Variants in SLC17A3 observed in about 807,000 individuals in gnomAD.
The protein encoded by SLC17A3 is sodium-dependent phosphate transport protein 4.
SLC17A3 carries 61 observed loss-of-function variants against 60.3 expected under a neutral mutation model. That is an observed-to-expected ratio of 1.01 (90% CI 0.82 to 1.25). SLC17A3 has a LOEUF of 1.25. SLC17A3 is among the 50% of genes most tolerant of loss of function. SLC17A3 has a pLI of 0.00. For missense variants in SLC17A3, 624 were observed against 594.9 expected, an observed-to-expected ratio of 1.05 and a Z score of -0.51; for synonymous variants, 192 against 208.9, an observed-to-expected ratio of 0.92 and a Z score of 0.70.
At chr6:25,854,848 G>A (rs1012495636) in intron 6 of SLC17A3, among the ~76,000 whole-genome samples, 1 of 152,058 alleles carries the variant, frequency 6.6e-6, no homozygotes, top group Non-Finnish European at 1.5e-5. Context: ...TCTTCCTTCC[G>A]TGTCTTACCA....
chr6:25,855,035 G>T (rs968426635), intron 6 of SLC17A3, 109 bp downstream of exon 6: 5 of 781,422 alleles, frequency 6.4e-6, no homozygotes, highest in South Asian at 4.5e-5. Context: ...GGTTTTCTAG[G>T]ATTTATCTGT....
rs1012688016 is a variant in SLC17A3 at position 25,868,369 on chromosome 6, A to C, written c.19T>G (p.Leu7Val). 1.2e-6 allele frequency: 2 copies of C among 1,607,898 alleles called. No homozygotes were observed. Among genetic ancestry groups the C allele is most frequent in the South Asian group, 1.1e-5 (1 of 90,698 alleles). Residue 7 changes from leucine (L) to valine (V), a missense_variant, in exon 2 of 13, where the codon TTG becomes GTG. Leu to Val is a conservative substitution (Grantham distance 32). Coordinates refer to ENST00000397060, the MANE Select transcript of SLC17A3 (RefSeq NM_001098486.2). MATKTE[L>V]SPTARESKNA... The stretch of plus-strand genomic sequence containing the variant: ...TTGCTCTCCCTTGCTGTGGGACTCA[A>C]CTCTGTCTTGGTGGCCATTGTGTTT...
At chr6:25,856,170 GT>G (rs200823257) in intron 5 of SLC17A3, among the ~76,000 whole-genome samples, 2 of 151,352 alleles carry the variant, frequency 1.3e-5, no homozygotes, top group Non-Finnish European at 3.0e-5. Context: ...AAAATATTGG[GT>G]TTTTTTTTCT....
At chr6:25,871,976 C>T (rs189283140) in intron 1 of SLC17A3, among the ~76,000 whole-genome samples, 3 of 151,908 alleles carry the variant, frequency 2.0e-5, no homozygotes, top group African/African-American at 7.3e-5. Context: ...AAGAATAGTG[C>T]ACAGTAGGGC....
At chr6:25,855,116 C>T (rs542125255) in intron 6 of SLC17A3, 28 bp downstream of exon 6, 2 of 1,436,400 alleles carry the variant, frequency 1.4e-6, no homozygotes, top group South Asian at 1.2e-5. Flanking sequence ...GCATATGAAA[C>T]TCAGGGAACT....
chr6:25,872,569 A>T (rs529042373), intron 1 of SLC17A3, among the ~76,000 whole-genome samples: 58 of 112,110 alleles, frequency 5.2e-4, no homozygotes, highest in Non-Finnish European at 9.6e-4. Context: ...TACTATATAT[A>T]TGTATATTTT....
intron 6 of SLC17A3, among the ~76,000 whole-genome samples, chr6:25,853,259 T>C (rs1232505684): frequency 6.6e-6 from 1 of 150,402 alleles, no homozygotes; most frequent in Non-Finnish European, 1.5e-5. Context: ...GTTATTTTTC[T>C]TTCCTTTCTC....
chr6:25,848,615 A>T (rs1457889035), intron 11 of SLC17A3, among the ~76,000 whole-genome samples: 1 of 152,228 alleles, frequency 6.6e-6, no homozygotes, highest in African/African-American at 2.4e-5. Flanking sequence ...TAGATCAAGG[A>T]CTTAAATCTA....
chr6:25,872,081 T>C (rs974928109), intron 1 of SLC17A3, among the ~76,000 whole-genome samples: 7 of 152,082 alleles, frequency 4.6e-5, no homozygotes, highest in African/African-American at 1.7e-4. Flanking sequence ...ATAGCCATTA[T>C]CCATTAAATG....
chr6:25,849,575 A>G, intron 10 of SLC17A3, 111 bp from the exon 11 acceptor site: 1 of 756,098 alleles, frequency 1.3e-6, no homozygotes, highest in Non-Finnish European at 2.3e-6. Flanking sequence ...ATTATATATA[A>G]TTATAATTAG....
intron 1 of SLC17A3, 170 bp from the exon 2 acceptor site, chr6:25,868,590 A>G (rs1272981739): frequency 5.4e-5 from 31 of 578,856 alleles, no homozygotes; most frequent in Non-Finnish European, 8.4e-5. Context: ...ACTGCACGTA[A>G]GGTTTGGAAT....
intron 2 of SLC17A3, among the ~76,000 whole-genome samples, chr6:25,865,397 T>C (rs1045919945): frequency 3.3e-5 from 5 of 151,986 alleles, no homozygotes; most frequent in Non-Finnish European, 5.9e-5. Flanking sequence ...AACTGAAACA[T>C]AGTATCTTTG....
At chr6:25,866,945 G>T (rs1765546112) in intron 2 of SLC17A3, among the ~76,000 whole-genome samples, 2 of 151,920 alleles carry the variant, frequency 1.3e-5, no homozygotes, top group Admixed American at 1.3e-4. Context: ...TCAAACTGAA[G>T]ACACCATTGA....
intron 1 of SLC17A3, among the ~76,000 whole-genome samples, chr6:25,869,586 C>T (rs142758591): frequency 1.3e-5 from 2 of 151,964 alleles, no homozygotes; most frequent in African/African-American, 4.8e-5. Flanking sequence ...CACACGGCTG[C>T]GGAGGCCTCA....
At chr6:25,865,967 A>G (rs1033940616) in intron 2 of SLC17A3, among the ~76,000 whole-genome samples, 1 of 152,030 alleles carries the variant, frequency 6.6e-6, no homozygotes, top group African/African-American at 2.4e-5. Flanking sequence ...TGAATTCAGT[A>G]CTACTGTACT....
intron 2 of SLC17A3, among the ~76,000 whole-genome samples, chr6:25,864,299 A>G (rs1357529147): frequency 6.6e-6 from 1 of 151,962 alleles, no homozygotes; most frequent in East Asian, 1.9e-4. Flanking sequence ...GATGGGGGCC[A>G]CTGGAGGGTT....
intron 1 of SLC17A3, 182 bp from the exon 2 acceptor site, chr6:25,868,602 GTTTA>G: frequency 1.8e-6 from 1 of 551,752 alleles, no homozygotes; most frequent in Non-Finnish European, 3.3e-6. Context: ...GTTTGGAATT[GTTTA>G]TTTATTAGGA....
chr6:25,866,175 A>G (rs1456321187), intron 2 of SLC17A3, among the ~76,000 whole-genome samples: 12 of 151,976 alleles, frequency 7.9e-5, no homozygotes. Context: ...ATTATGTTAT[A>G]TAAGACTCCA....
intron 11 of SLC17A3, among the ~76,000 whole-genome samples, chr6:25,846,094 T>C (rs1021458898): frequency 4.6e-5 from 7 of 152,212 alleles, no homozygotes; most frequent in Non-Finnish European, 8.8e-5. Context: ...GGCATGATTA[T>C]GCAAATGAAA....
Sources: allele counts gnomAD v4.1 joint callset (sites outside exome capture counted in the v4.1 genomes callset), GRCh38; gene constraint gnomAD v4.1.1; transcripts MANE v1.5; gene names NCBI Gene and HGNC (gene_info 2026-07-23, HGNC 2026-07-21).